The following UTRN variants were observed in gnomAD, a reference collection of about 807,000 sequenced individuals.
UTRN encodes the protein dystrophin-related protein 1.
Under a neutral mutation model 463.9 loss-of-function variants are expected in UTRN, and 283 were observed. The observed-to-expected ratio is 0.61, with a 90% CI of 0.55 to 0.67. The LOEUF (loss-of-function observed/expected upper bound fraction) is 0.67, where lower values mean the gene tolerates loss of function less well. Ranked by LOEUF, UTRN falls within the 30% of genes least tolerant of loss-of-function variation. The pLI, the probability that UTRN is intolerant of heterozygous loss-of-function variation, is 0.00. For synonymous variants in UTRN, 1,442 were observed against 1,431.5 expected, an observed-to-expected ratio of 1.01 and a Z score of -0.17; for missense variants, 3,922 against 4,084.3, an observed-to-expected ratio of 0.96 and a Z score of 1.08.
chr6:144,748,640 C>T (rs1053307011), intron 55 of UTRN, 126 bp downstream of exon 55: 29 of 1,279,518 alleles, frequency 2.3e-5, no homozygotes, highest in Admixed American at 1.1e-4. Context: ...GCTGCAACCC[C>T]ACCCATCAGG....
intron 9 of UTRN, among the ~76,000 whole-genome samples, chr6:144,431,727 T>G (rs577429102): frequency 6.6e-6 from 1 of 152,344 alleles, no homozygotes; most frequent in East Asian, 1.9e-4. Context: ...CTCATTATAG[T>G]ATAGAGGTTT....
chr6:144,769,538 C>T (rs924805828), intron 58 of UTRN, among the ~76,000 whole-genome samples: 2 of 152,168 alleles, frequency 1.3e-5, no homozygotes, highest in African/African-American at 2.4e-5. Context: ...AGGTGTTCAC[C>T]TTGAATTCTT....
intron 65 of UTRN, among the ~76,000 whole-genome samples, chr6:144,820,399 T>A (rs1259951548): frequency 6.6e-6 from 1 of 152,204 alleles, no homozygotes; most frequent in Non-Finnish European, 1.5e-5. Context: ...TCTTACCTTT[T>A]TCCCCACTAG....
In UTRN at chr6:144,391,074, G is replaced by T. The variant is rs1781873561; in HGVS notation, c.80-12049G>T. On this transcript the variant is annotated intron_variant, in intron 2 of 74. Coordinates refer to ENST00000367545, the MANE Select transcript of UTRN (RefSeq NM_007124.3). Reference sequence around the variant, plus strand: ...TAACAAAGAGTTGGAAATATTCCCAGTTCTTTTTTTTTTTTGACACAAGGT... The same window carrying T: ...TAACAAAGAGTTGGAAATATTCCCATTTCTTTTTTTTTTTTGACACAAGGT... 4.6e-5 allele frequency among the ~76,000 whole-genome samples: 7 copies of T among 151,874 alleles called. No homozygotes were observed. The South Asian group carries it at 1.5e-3, about 32-fold the overall frequency.
At chr6:144,480,020 C>T (rs969519069) in intron 26 of UTRN, 38 bp downstream of exon 26, 2 of 1,588,350 alleles carry the variant, frequency 1.3e-6, no homozygotes, top group Non-Finnish European at 1.7e-6. Context: ...GGCTTCATGC[C>T]TCCCTCCTCC....
intron 6 of UTRN, 93 bp downstream of exon 6, chr6:144,424,171 C>G (rs528113052): frequency 7.5e-7 from 1 of 1,329,550 alleles, no homozygotes; most frequent in African/African-American, 1.5e-5. Flanking sequence ...GTACCACAAG[C>G]TGCTTGGCTT....
chr6:144,616,495 G>T (rs2178128), intron 51 of UTRN, among the ~76,000 whole-genome samples: 24,522 of 151,132 alleles, frequency 0.16, 2,155 homozygotes, highest in South Asian at 0.27. Context: ...TGCACTCATG[G>T]ATCAGTGGTT....
chr6:144,797,706 A>G lies in UTRN; in HGVS notation c.9079-118A>G, dbSNP rs576394602. 4.0e-6 allele frequency: 4 copies of G among 992,478 alleles called. No homozygotes were observed. In the South Asian group the frequency reaches 7.7e-5, roughly 19 times the overall value. The allele number at this position is 992,478 out of a possible 1,614,324, so 61.5% of individuals were successfully genotyped here. A position where few individuals can be genotyped will look rare whatever the true frequency, so the allele number is the denominator to read the frequency against. ...AAGCATTGTGACTTAACTGACATGG[A>G]AAGAGTTATATAGTTTCCTCTTCTG... On this transcript the variant is annotated intron_variant, in intron 63 of 74. Coordinates refer to ENST00000367545, the MANE Select transcript of UTRN (RefSeq NM_007124.3).
At chr6:144,759,045 A>G (rs1330060203) in intron 58 of UTRN, among the ~76,000 whole-genome samples, 1 of 152,126 alleles carries the variant, frequency 6.6e-6, no homozygotes, top group Non-Finnish European at 1.5e-5. Context: ...GTCTTTTCTT[A>G]TAATTTTTTA....
chr6:144,835,448 G>A (rs574734226), intron 69 of UTRN, among the ~76,000 whole-genome samples: 1 of 152,202 alleles, frequency 6.6e-6, no homozygotes, highest in South Asian at 2.1e-4. Flanking sequence ...AACTCTTTAG[G>A]CATGGAGTAA....
intron 2 of UTRN, among the ~76,000 whole-genome samples, chr6:144,363,500 C>G (rs1334809961): frequency 6.6e-6 from 1 of 152,176 alleles, no homozygotes; most frequent in African/African-American, 2.4e-5. Context: ...CCTCTCAAGA[C>G]AGCGTCTAGG....
intron 25 of UTRN, among the ~76,000 whole-genome samples, chr6:144,476,961 A>G (rs75198857): frequency 2.4e-4 from 36 of 152,242 alleles, no homozygotes; most frequent in African/African-American, 8.4e-4. Context: ...ATAATGAGAG[A>G]TATTAAATGA....
intron 51 of UTRN, among the ~76,000 whole-genome samples, chr6:144,665,582 A>G (rs75726658): frequency 1.1e-3 from 174 of 152,334 alleles, no homozygotes; most frequent in African/African-American, 3.9e-3. Context: ...TCAAATACTA[A>G]TTATTAAATA....
intron 51 of UTRN, among the ~76,000 whole-genome samples, chr6:144,668,555 C>A (rs1365443261): frequency 1.3e-5 from 2 of 152,108 alleles, no homozygotes; most frequent in African/African-American, 2.4e-5. Flanking sequence ...TCTCTCAGAT[C>A]TGGGGACTGG....
chr6:144,802,934 A>G (rs527659373), intron 64 of UTRN, 102 bp from the exon 65 acceptor site: 7 of 787,218 alleles, frequency 8.9e-6, no homozygotes, highest in African/African-American at 7.1e-5. Flanking sequence ...CCAAAATTTT[A>G]TATTTTATTT....
intron 51 of UTRN, among the ~76,000 whole-genome samples, chr6:144,612,619 AC>A (rs1464078037): frequency 6.6e-6 from 1 of 152,146 alleles, no homozygotes; most frequent in African/African-American, 2.4e-5. Flanking sequence ...ATCACTAATT[AC>A]TTGGGAAATG....
intron 2 of UTRN, among the ~76,000 whole-genome samples, chr6:144,332,923 T>C (rs1776442297): frequency 6.9e-6 from 1 of 145,972 alleles, no homozygotes; most frequent in East Asian, 1.9e-4. Context: ...TTTATTTATT[T>C]ATTTATTTAT....
At chr6:144,523,419 C>T (rs750159122) in intron 41 of UTRN, among the ~76,000 whole-genome samples, 1 of 152,266 alleles carries the variant, frequency 6.6e-6, no homozygotes, top group Non-Finnish European at 1.5e-5. Flanking sequence ...AAGCAATTCT[C>T]CTGCCTCAGC....
At chr6:144,363,567 A>G (rs1256221587) in intron 2 of UTRN, among the ~76,000 whole-genome samples, 2 of 152,246 alleles carry the variant, frequency 1.3e-5, no homozygotes, top group Non-Finnish European at 2.9e-5. Context: ...GGGCAGAGAT[A>G]CAAACTCACT....
Sources: gnomAD v4.1 joint callset for allele counts (sites outside exome capture counted in the v4.1 genomes callset) on GRCh38, gnomAD v4.1.1 for gene constraint, MANE v1.5 for transcripts, NCBI Gene and HGNC (gene_info 2026-07-23, HGNC 2026-07-21) for gene names.